MARCHF1: variants seen among roughly 807,000 people sequenced by gnomAD.
The protein encoded by MARCHF1 is E3 ubiquitin-protein ligase MARCHF1.
MARCHF1 carries 40 observed loss-of-function variants against 54.2 expected under a neutral mutation model. The ratio of observed to expected loss-of-function variants is 0.74; its 90% CI spans 0.57 to 0.96. The LOEUF (loss-of-function observed/expected upper bound fraction) is 0.96. Ranked by LOEUF, MARCHF1 falls within the 40% of genes least tolerant of loss-of-function variation. MARCHF1 has a pLI of 0.00. For missense variants in MARCHF1, 586 were observed against 656.5 expected (o/e 0.89, Z 1.17); for synonymous variants, 236 against 236.3 (o/e 1.00, Z 0.01).
At chr4:164,113,921 T>A (rs551882318) in intron 1 of MARCHF1, among the ~76,000 whole-genome samples, 2 of 151,860 alleles carry the variant, frequency 1.3e-5, no homozygotes, top group East Asian at 3.9e-4. Flanking sequence ...TATAAAACGA[T>A]AACTGTTTAA....
chr4:163,549,696 T>G (rs1579052969), intron 8 of MARCHF1, among the ~76,000 whole-genome samples: 1 of 127,356 alleles, frequency 7.9e-6, no homozygotes, highest in East Asian at 2.4e-4. Context: ...TTTTTTTTTT[T>G]GCAGAAGCCA....
chr4:163,839,359 C>G (rs1221169744), intron 4 of MARCHF1, among the ~76,000 whole-genome samples: 1 of 152,042 alleles, frequency 6.6e-6, no homozygotes, highest in Non-Finnish European at 1.5e-5. Flanking sequence ...CAATTACACT[C>G]CTAAGCATCT....
At chr4:164,103,021 C>A (rs1755606433) in intron 2 of MARCHF1, among the ~76,000 whole-genome samples, 1 of 122,402 alleles carries the variant, frequency 8.2e-6, no homozygotes, top group Non-Finnish European at 1.8e-5. Flanking sequence ...ACAAAGAAGG[C>A]CATTACATAA....
At chr4:163,819,431 T>C in intron 4 of MARCHF1, among the ~76,000 whole-genome samples, 1 of 152,116 alleles carries the variant, frequency 6.6e-6, no homozygotes, top group East Asian at 1.9e-4. Context: ...GAGCTTTGCA[T>C]AAGAAAGTGT....
intron 3 of MARCHF1, among the ~76,000 whole-genome samples, chr4:163,914,780 G>T (rs925643090): frequency 6.6e-6 from 1 of 152,114 alleles, no homozygotes; most frequent in South Asian, 2.1e-4. Flanking sequence ...ATCCAGTTCT[G>T]CTTGGCAGCT....
chr4:164,035,633 C>CA (rs34846855), intron 2 of MARCHF1, among the ~76,000 whole-genome samples: 8,893 of 144,192 alleles, frequency 0.062, 394 homozygotes, highest in Admixed American at 0.12. Flanking sequence ...ATAAAGAATA[C>CA]AAAAAAAAAA....
chr4:164,347,447 G>A (rs1387483527), intron 1 of MARCHF1, among the ~76,000 whole-genome samples: 1 of 150,990 alleles, frequency 6.6e-6, no homozygotes, highest in Non-Finnish European at 1.5e-5. Context: ...ACTCAGCCAA[G>A]GGGCTTGACA....
intron 8 of MARCHF1, among the ~76,000 whole-genome samples, chr4:163,562,021 G>A (rs1162522290): frequency 2.6e-5 from 4 of 152,130 alleles, no homozygotes; most frequent in Non-Finnish European, 4.4e-5. Context: ...TCCAGGCCAG[G>A]AGTGGTGGCT....
intron 2 of MARCHF1, among the ~76,000 whole-genome samples, chr4:164,076,257 G>C (rs1579513745): frequency 6.6e-6 from 1 of 152,064 alleles, no homozygotes; most frequent in Non-Finnish European, 1.5e-5. Flanking sequence ...AAAAATTAAA[G>C]TGCATAAGAA....
chr4:163,545,947 ATG>A (rs70948653), intron 8 of MARCHF1, among the ~76,000 whole-genome samples: 8,087 of 148,844 alleles, frequency 0.054, 317 homozygotes, highest in African/African-American at 0.11. Flanking sequence ...TTAAATACAT[ATG>A]TGTGTGTGTG....
intron 4 of MARCHF1, among the ~76,000 whole-genome samples, chr4:163,817,521 A>G (rs1404294118): frequency 6.6e-6 from 1 of 151,632 alleles, no homozygotes; most frequent in East Asian, 1.9e-4. Flanking sequence ...TTGGTGTACA[A>G]TTGTTACTAC....
At chr4:164,010,735 A>C (rs534752242) in intron 2 of MARCHF1, among the ~76,000 whole-genome samples, 63 of 152,254 alleles carry the variant, frequency 4.1e-4, no homozygotes, top group Non-Finnish European at 7.6e-4. Context: ...CAGAATACCA[A>C]TGTTATCATT....
At chr4:163,619,601 A>C (rs1020913260) in intron 5 of MARCHF1, among the ~76,000 whole-genome samples, 1 of 152,122 alleles carries the variant, frequency 6.6e-6, no homozygotes, top group Non-Finnish European at 1.5e-5. Flanking sequence ...CTAGGAATCT[A>C]TCTGTCTATA....
chr4:163,743,956 G>A (rs940981702), intron 4 of MARCHF1, among the ~76,000 whole-genome samples: 1 of 152,186 alleles, frequency 6.6e-6, no homozygotes, highest in East Asian at 1.9e-4. Flanking sequence ...TACAGCTCCA[G>A]CACTGGTTAG....
intron 4 of MARCHF1, among the ~76,000 whole-genome samples, chr4:163,721,385 G>C (rs1303876802): frequency 6.6e-6 from 1 of 152,154 alleles, no homozygotes. Context: ...AAGCCCACTT[G>C]ATCATGGTGG....
intron 3 of MARCHF1, among the ~76,000 whole-genome samples, chr4:163,970,716 A>G (rs938547757): frequency 1.3e-5 from 2 of 152,186 alleles, no homozygotes; most frequent in Admixed American, 6.5e-5. Flanking sequence ...GAGGAGCTTG[A>G]TTACTATTAA....
intron 1 of MARCHF1, among the ~76,000 whole-genome samples, chr4:164,241,646 G>A (rs892045258): frequency 6.6e-6 from 1 of 152,184 alleles, no homozygotes; most frequent in Non-Finnish European, 1.5e-5. Flanking sequence ...AATAGGAACA[G>A]CTCCGGTCTA....
At chr4:164,043,132 TGGCCCTCTTCTCAAACCTTGAGTAGACA>T in intron 2 of MARCHF1, among the ~76,000 whole-genome samples, 1 of 152,316 alleles carries the variant, frequency 6.6e-6, no homozygotes, top group Middle Eastern at 3.4e-3. Flanking sequence ...TGGAGGATGA[TGGCCCTCTTCTCAAACCTTGAGTAGACA>T]GTGCCCCAGT....
intron 2 of MARCHF1, among the ~76,000 whole-genome samples, chr4:164,015,703 T>C (rs1239748357): frequency 1.3e-5 from 2 of 151,116 alleles, no homozygotes; most frequent in African/African-American, 4.9e-5. Flanking sequence ...CAATAGTATA[T>C]GAAAAAAAAA....
Sources: gnomAD v4.1 joint callset for allele counts (sites outside exome capture counted in the v4.1 genomes callset) on GRCh38, gnomAD v4.1.1 for gene constraint, MANE v1.5 for transcripts, NCBI Gene and HGNC (gene_info 2026-07-23, HGNC 2026-07-21) for gene names.